The following DKK2 variants were observed in gnomAD, a reference collection of about 807,000 sequenced individuals.
The protein encoded by DKK2 is dickkopf-related protein 2.
Under a neutral mutation model 28.1 loss-of-function variants are expected in DKK2, and 11 were observed. That is an observed-to-expected ratio of 0.39 (90% CI 0.25 to 0.65). DKK2 has a LOEUF of 0.65. Ranked by LOEUF, DKK2 falls within the 30% of genes least tolerant of loss-of-function variation. DKK2 has a pLI of 0.47. For synonymous variants in DKK2, 135 were observed against 126.5 expected (o/e 1.07, Z -0.45); for missense variants, 326 against 335.5 (o/e 0.97, Z 0.22).
At chr4:107,023,598 C>T (rs1723727428) in intron 1 of DKK2, among the ~76,000 whole-genome samples, 1 of 151,964 alleles carries the variant, frequency 6.6e-6, no homozygotes, top group Non-Finnish European at 1.5e-5. Flanking sequence ...CTATAGAATG[C>T]ACAACACAAA....
intron 1 of DKK2, among the ~76,000 whole-genome samples, chr4:106,970,773 A>G (rs1261936604): frequency 2.0e-5 from 3 of 152,090 alleles, no homozygotes; most frequent in Non-Finnish European, 4.4e-5. Flanking sequence ...GTGCAGGTCA[A>G]CACTTAAAAC....
intron 1 of DKK2, among the ~76,000 whole-genome samples, chr4:106,927,088 G>A (rs932092065): frequency 2.6e-5 from 4 of 152,014 alleles, no homozygotes; most frequent in African/African-American, 9.7e-5. Context: ...TATAAAATAA[G>A]CTATGTATTT....
intron 1 of DKK2, among the ~76,000 whole-genome samples, chr4:106,935,507 A>T (rs1413388538): frequency 6.6e-6 from 1 of 152,202 alleles, no homozygotes; most frequent in South Asian, 2.1e-4. Context: ...GCAGTCTGAG[A>T]TCAAACTGCA....
At position 106,953,124 on chromosome 4, in the gene DKK2, G is replaced by A. The variant is rs140689752; in HGVS notation, c.223-27175C>T. ...CTTGGTGTTCCTCCTAGGTAACCAC[G>A]TTTATTTTGTGGTATTCCCATTTGT... On this transcript the variant is annotated intron_variant, in intron 1 of 3. Coordinates refer to ENST00000285311, the MANE Select transcript of DKK2 (RefSeq NM_014421.3). 4.8e-4 allele frequency among the ~76,000 whole-genome samples: 73 copies of A among 152,072 alleles called. 1 individual carries two copies. The East Asian group carries it at 0.013, about 26-fold the overall frequency.
At chr4:107,025,663 C>T (rs925463357) in intron 1 of DKK2, among the ~76,000 whole-genome samples, 5 of 152,156 alleles carry the variant, frequency 3.3e-5, no homozygotes, top group African/African-American at 1.2e-4. Flanking sequence ...TCCAGCCAGG[C>T]TTCTTGTTAA....
chr4:106,964,144 G>T (rs1273584390), intron 1 of DKK2, among the ~76,000 whole-genome samples: 3 of 152,028 alleles, frequency 2.0e-5, no homozygotes. Flanking sequence ...TATTATTAAT[G>T]AAATTAATAC....
chr4:106,951,929 G>A (rs879580309), intron 1 of DKK2, among the ~76,000 whole-genome samples: 2 of 152,074 alleles, frequency 1.3e-5, no homozygotes, highest in African/African-American at 2.4e-5. Context: ...TAGTCAATTT[G>A]CTTATTTTGT....
chr4:106,989,282 A>G (rs931321145), intron 1 of DKK2, among the ~76,000 whole-genome samples: 1 of 152,188 alleles, frequency 6.6e-6, no homozygotes, highest in Non-Finnish European at 1.5e-5. Flanking sequence ...TATTTATTGT[A>G]TAGTGTGCCA....
At position 106,973,887 on chromosome 4, in the gene DKK2, T is replaced by C. The variant is rs372053509; in HGVS notation, c.223-47938A>G. 2.5e-4 allele frequency among the ~76,000 whole-genome samples: 38 copies of C among 152,358 alleles called. 1 individual carries two copies. In the South Asian group the frequency reaches 6.8e-3, roughly 27 times the overall value. On this transcript the variant is annotated intron_variant, in intron 1 of 3. Coordinates refer to ENST00000285311, the MANE Select transcript of DKK2 (RefSeq NM_014421.3). ...GTTTTAGCTCTTACATTTAACTCTTTAATCCATCTTGAGTTAATTTTTGTA... is the reference window on the plus strand; with the variant it reads ...GTTTTAGCTCTTACATTTAACTCTTCAATCCATCTTGAGTTAATTTTTGTA...
chr4:106,947,599 A>G (rs1477875114), intron 1 of DKK2, among the ~76,000 whole-genome samples: 1 of 151,978 alleles, frequency 6.6e-6, no homozygotes, highest in African/African-American at 2.4e-5. Context: ...ACCTTTGTAC[A>G]TATTTTCCCA....
chr4:106,940,488 G>C (rs541017833), intron 1 of DKK2, among the ~76,000 whole-genome samples: 1 of 150,638 alleles, frequency 6.6e-6, no homozygotes. Flanking sequence ...TGGAGAAATA[G>C]GAACACTTTT....
At chr4:107,012,785 C>G (rs1723534990) in intron 1 of DKK2, among the ~76,000 whole-genome samples, 1 of 151,056 alleles carries the variant, frequency 6.6e-6, no homozygotes, top group Admixed American at 6.6e-5. Flanking sequence ...TAAAATAACA[C>G]TTTTCAGAGG....
chr4:106,977,521 T>C (rs1055508149), intron 1 of DKK2, among the ~76,000 whole-genome samples: 2 of 152,194 alleles, frequency 1.3e-5, no homozygotes, highest in Non-Finnish European at 2.9e-5. Flanking sequence ...TTTCTTCCAC[T>C]TGATTGATTC....
intron 1 of DKK2, among the ~76,000 whole-genome samples, chr4:107,001,975 C>T (rs2110365444): frequency 6.6e-6 from 1 of 152,202 alleles, no homozygotes; most frequent in Non-Finnish European, 1.5e-5. Flanking sequence ...CCAGATAGAC[C>T]CGGAAAACTC....
intron 1 of DKK2, among the ~76,000 whole-genome samples, chr4:106,995,923 A>AT (rs1342792836): frequency 2.6e-5 from 4 of 152,086 alleles, no homozygotes; most frequent in African/African-American, 9.7e-5. Context: ...GACTCTATGT[A>AT]TCTTTAACAA....
chr4:107,027,998 C>T (rs1230425694), intron 1 of DKK2, among the ~76,000 whole-genome samples: 2 of 152,102 alleles, frequency 1.3e-5, no homozygotes, highest in Non-Finnish European at 2.9e-5. Flanking sequence ...GTGATCCGCC[C>T]GCCTCAGCCT....
chr4:107,005,583 C>CTTGGGTGGTATT (rs1723427354), intron 1 of DKK2, among the ~76,000 whole-genome samples: 1 of 151,898 alleles, frequency 6.6e-6, no homozygotes, highest in Non-Finnish European at 1.5e-5. Context: ...TTCTTTCTTC[C>CTTGGGTGGTATT]TTGGGTGGTA....
chr4:106,966,430 C>G (rs1722782032), intron 1 of DKK2, among the ~76,000 whole-genome samples: 1 of 152,192 alleles, frequency 6.6e-6, no homozygotes, highest in Non-Finnish European at 1.5e-5. Context: ...TGCAACCACT[C>G]TCCATCTCTT....
intron 1 of DKK2, among the ~76,000 whole-genome samples, chr4:107,033,854 C>T (rs1723917468): frequency 6.6e-6 from 1 of 152,082 alleles, no homozygotes; most frequent in African/African-American, 2.4e-5. Flanking sequence ...ATTGAAAATC[C>T]TGGGGTGACT....
Sources: allele counts gnomAD v4.1 joint callset (sites outside exome capture counted in the v4.1 genomes callset), GRCh38; gene constraint gnomAD v4.1.1; transcripts MANE v1.5; gene names NCBI Gene and HGNC (gene_info 2026-07-23, HGNC 2026-07-21).